ROBO2: variants seen among roughly 807,000 people sequenced by gnomAD.
ROBO2 encodes the protein roundabout homolog 2.
A neutral mutation model predicts 160.8 loss-of-function variants in ROBO2; 53 were observed. The ratio of observed to expected loss-of-function variants is 0.33; its 90% confidence interval spans 0.26 to 0.41. The LOEUF (loss-of-function observed/expected upper bound fraction) is 0.41. ROBO2 is among the 10% of genes least tolerant of loss of function. ROBO2 has a pLI of 1.00. For synonymous variants in ROBO2, 664 were observed against 611.7 expected (o/e 1.09, Z -1.26); for missense variants, 1,577 against 1,722.4 (o/e 0.92, Z 1.49).
intron 2 of ROBO2, among the ~76,000 whole-genome samples, chr3:76,134,504 T>A (rs1261238902): frequency 6.6e-6 from 1 of 152,074 alleles, no homozygotes; most frequent in African/African-American, 2.4e-5. Flanking sequence ...CTTGGATAGG[T>A]TGACAGTATC....
chr3:76,807,036 T>C (rs568506189), intron 2 of ROBO2, among the ~76,000 whole-genome samples: 158 of 152,072 alleles, frequency 1.0e-3, no homozygotes, highest in African/African-American at 3.5e-3. Flanking sequence ...ACACCAAAAG[T>C]TGGGGAAGAA....
chr3:76,982,884 T>G (rs1318366813), intron 2 of ROBO2, among the ~76,000 whole-genome samples: 1 of 152,198 alleles, frequency 6.6e-6, no homozygotes, highest in Non-Finnish European at 1.5e-5. Flanking sequence ...AGACTTATTT[T>G]TATTTATGTG....
intron 2 of ROBO2, among the ~76,000 whole-genome samples, chr3:76,504,293 C>T (rs1471367707): frequency 6.6e-6 from 1 of 152,164 alleles, no homozygotes; most frequent in African/African-American, 2.4e-5. Context: ...CAAAAACACT[C>T]ACTGTGACTT....
chr3:76,024,339 G>A (rs1450343177), intron 2 of ROBO2, among the ~76,000 whole-genome samples: 3 of 150,058 alleles, frequency 2.0e-5, no homozygotes, highest in Non-Finnish European at 4.5e-5. Context: ...ATTAAAAGAA[G>A]CAAGTTAACT....
At position 77,119,337 on chromosome 3, in the gene ROBO2, G is replaced by A. The variant is rs1560049394; in HGVS notation, c.388+20997G>A. Among the ~76,000 whole-genome samples the A allele has an allele frequency of 2.0e-5, 3 of 152,160 alleles. 1 individual carries two copies. The highest frequency in any genetic ancestry group is 1.3e-4 in the Admixed American group (2 of 15,278). Reference sequence around the variant, plus strand: ...TTTGTGCACCTAAACATGTGTAAACGCAGAAAAATTACAATAAAAATACAG... The same window carrying A: ...TTTGTGCACCTAAACATGTGTAAACACAGAAAAATTACAATAAAAATACAG... On this transcript the variant is annotated intron_variant, in intron 2 of 25. Coordinates refer to ENST00000461745, the Ensembl canonical transcript of ROBO2.
intron 2 of ROBO2, among the ~76,000 whole-genome samples, chr3:76,158,520 T>A (rs747977116): frequency 3.9e-5 from 6 of 152,170 alleles, no homozygotes; most frequent in Non-Finnish European, 8.8e-5. Flanking sequence ...TCTTTGAGTC[T>A]ATTTGATACA....
intron 2 of ROBO2, among the ~76,000 whole-genome samples, chr3:76,746,193 A>G (rs1187928314): frequency 3.3e-4 from 50 of 152,096 alleles, no homozygotes; most frequent in Non-Finnish European, 5.9e-5. Flanking sequence ...ATAGTATTCC[A>G]TGCTGTATAT....
intron 1 of ROBO2, among the ~76,000 whole-genome samples, chr3:75,931,916 A>G (rs1947560451): frequency 1.3e-5 from 2 of 152,152 alleles, no homozygotes; most frequent in African/African-American, 4.8e-5. Flanking sequence ...CTAAGATAAC[A>G]TCTGATACAT....
At chr3:76,560,406 T>C (rs1289043361) in intron 2 of ROBO2, among the ~76,000 whole-genome samples, 1 of 152,034 alleles carries the variant, frequency 6.6e-6, no homozygotes, top group Non-Finnish European at 1.5e-5. Flanking sequence ...TATCAAATAT[T>C]ATCTTAATTA....
Position 77,317,331 on chromosome 3 carries a change from C to T in ROBO2, c.389-160083C>T, listed in dbSNP as rs1407756663. Reference sequence around the variant, plus strand: ...TGAATGCAAGGTCAGCCTCAGGCCACGTGCAAGCTGACCGTCCACGCTCAT... The same window carrying T: ...TGAATGCAAGGTCAGCCTCAGGCCATGTGCAAGCTGACCGTCCACGCTCAT... On this transcript the variant is annotated intron_variant, in intron 2 of 25. Transcript: ENST00000461745. 68 of 779,732 alleles carry T rather than the reference C, an allele frequency of 8.7e-5. No individual in the cohort carries two copies. The South Asian group carries it at 9.8e-4, about 11-fold the overall frequency. 48.3% of individuals were successfully genotyped at this position (779,732 alleles called of 1,614,324 possible).
intron 2 of ROBO2, among the ~76,000 whole-genome samples, chr3:77,365,191 G>C (rs2070673222): frequency 6.6e-6 from 1 of 151,194 alleles, no homozygotes; most frequent in Non-Finnish European, 1.5e-5. Context: ...GAGGTTCTAA[G>C]ACTTCAGTGG....
chr3:76,773,485 T>C (rs181038653), intron 2 of ROBO2, among the ~76,000 whole-genome samples: 1 of 151,070 alleles, frequency 6.6e-6, no homozygotes, highest in East Asian at 2.0e-4. Context: ...TTCCTGCTTC[T>C]TCATTAACAT....
intron 2 of ROBO2, among the ~76,000 whole-genome samples, chr3:76,988,889 A>T (rs2149360792): frequency 6.6e-6 from 1 of 152,272 alleles, no homozygotes; most frequent in South Asian, 2.1e-4. Context: ...GCACATTTAA[A>T]GACCTACTCC....
At chr3:76,758,702 G>A (rs182753642) in intron 2 of ROBO2, among the ~76,000 whole-genome samples, 238 of 151,870 alleles carry the variant, frequency 1.6e-3, no homozygotes, top group Admixed American at 3.3e-3. Context: ...ACAAACATAT[G>A]GTTGATAGGA....
chr3:75,961,466 C>T (rs1458568718), intron 2 of ROBO2, among the ~76,000 whole-genome samples: 3 of 151,704 alleles, frequency 2.0e-5, no homozygotes, highest in South Asian at 4.1e-4. Context: ...AAATACTATG[C>T]TCCACTGTAA....
chr3:76,199,329 A>G (rs1449286903), intron 2 of ROBO2, among the ~76,000 whole-genome samples: 1 of 152,140 alleles, frequency 6.6e-6, no homozygotes, highest in Non-Finnish European at 1.5e-5. Context: ...CTCTCAGTTG[A>G]CAGCCAGCTA....
At chr3:77,634,447 C>A in intron 23 of ROBO2, 1 of 179,618 alleles carries the variant, frequency 5.6e-6, no homozygotes. Flanking sequence ...TGTAAGTTTC[C>A]AAGGATGAAA....
At chr3:76,238,137 T>G (rs1358531333) in intron 2 of ROBO2, among the ~76,000 whole-genome samples, 1 of 152,184 alleles carries the variant, frequency 6.6e-6, no homozygotes, top group African/African-American at 2.4e-5. Flanking sequence ...TTACTGAAAT[T>G]TAAAGCCAAA....
chr3:76,033,272 G>T (rs1026932030), intron 2 of ROBO2, among the ~76,000 whole-genome samples: 11 of 150,294 alleles, frequency 7.3e-5, no homozygotes, highest in African/African-American at 2.7e-4. Flanking sequence ...ACGTGGTCTG[G>T]TCTAATGTAG....
Sources: gnomAD v4.1 joint callset for allele counts (sites outside exome capture counted in the v4.1 genomes callset) on GRCh38, gnomAD v4.1.1 for gene constraint, MANE v1.5 for transcripts, NCBI Gene and HGNC (gene_info 2026-07-23, HGNC 2026-07-21) for gene names.